MB21D2: variants seen among roughly 807,000 people sequenced by gnomAD.
The protein encoded by MB21D2 is Mab-21 domain containing 2, also known as nucleotidyltransferase MB21D2.
In MB21D2, 9 loss-of-function variants were observed where a neutral mutation model predicts 33.3. The ratio of observed to expected loss-of-function variants is 0.27; its 90% confidence interval spans 0.16 to 0.47. MB21D2 has a LOEUF of 0.47. MB21D2 is among the 20% of genes least tolerant of loss of function. The pLI is 0.99. For missense variants in MB21D2, 540 were observed against 624.6 expected (o/e 0.86, Z 1.44); for synonymous variants, 241 against 236.3 (o/e 1.02, Z -0.18).
At chr3:192,888,661 TAC>T (rs1713784843) in intron 1 of MB21D2, among the ~76,000 whole-genome samples, 1 of 152,146 alleles carries the variant, frequency 6.6e-6, no homozygotes, top group East Asian at 1.9e-4. Flanking sequence ...CATATGATCA[TAC>T]AGCTCCCATT....
chr3:192,849,795 T>C (rs922185480), intron 1 of MB21D2, among the ~76,000 whole-genome samples: 2 of 152,242 alleles, frequency 1.3e-5, no homozygotes, highest in African/African-American at 4.8e-5. Flanking sequence ...AAAGTCCTTT[T>C]CTATATTATA....
At chr3:192,813,299 A>ATTTT (rs1711832372) in intron 1 of MB21D2, among the ~76,000 whole-genome samples, 1 of 147,616 alleles carries the variant, frequency 6.8e-6, no homozygotes, top group Non-Finnish European at 1.5e-5. Flanking sequence ...TACTGCAGTT[A>ATTTT]ATTTTTTTTT....
At chr3:192,821,279 T>A (rs1433981689) in intron 1 of MB21D2, among the ~76,000 whole-genome samples, 2 of 152,204 alleles carry the variant, frequency 1.3e-5, no homozygotes, top group African/African-American at 4.8e-5. Flanking sequence ...TGCTCAAAGT[T>A]ACATAGTCAG....
At chr3:192,813,222 T>C (rs1271177938) in intron 1 of MB21D2, among the ~76,000 whole-genome samples, 2 of 151,928 alleles carry the variant, frequency 1.3e-5, no homozygotes, top group Non-Finnish European at 2.9e-5. Flanking sequence ...GCAAGCAACA[T>C]GGCTGACAAT....
chr3:192,897,604 T>G (rs996671786), intron 1 of MB21D2, among the ~76,000 whole-genome samples: 1 of 152,206 alleles, frequency 6.6e-6, no homozygotes, highest in Non-Finnish European at 1.5e-5. Flanking sequence ...TGCTCCAAAA[T>G]TTTAAAAACA....
chr3:192,862,251 G>C (rs1331876934), intron 1 of MB21D2, among the ~76,000 whole-genome samples: 3 of 152,168 alleles, frequency 2.0e-5, no homozygotes, highest in Non-Finnish European at 4.4e-5. Context: ...GGAAACTATA[G>C]ACTGGATGAT....
intron 1 of MB21D2, among the ~76,000 whole-genome samples, chr3:192,810,321 A>G (rs909395561): frequency 2.0e-5 from 3 of 152,218 alleles, no homozygotes; most frequent in Non-Finnish European, 4.4e-5. Context: ...ATCCATGTAA[A>G]AGAGACCTTG....
At chr3:192,803,764 T>G (rs1250263232) in intron 1 of MB21D2, among the ~76,000 whole-genome samples, 1 of 152,174 alleles carries the variant, frequency 6.6e-6, no homozygotes, top group African/African-American at 2.4e-5. Flanking sequence ...AAGTGCCATC[T>G]CTGCAATGAT....
intron 1 of MB21D2, among the ~76,000 whole-genome samples, chr3:192,890,697 T>C (rs1013529038): frequency 6.6e-6 from 1 of 151,970 alleles, no homozygotes; most frequent in Admixed American, 6.6e-5. Flanking sequence ...CAAGTGATTG[T>C]GCTATCTGGT....
intron 1 of MB21D2, among the ~76,000 whole-genome samples, chr3:192,803,455 C>T (rs1711596525): frequency 6.6e-6 from 1 of 152,124 alleles, no homozygotes. Context: ...TCCCTAAGGC[C>T]ACACTGTTCC....
At chr3:192,887,267 C>T (rs928805747) in intron 1 of MB21D2, among the ~76,000 whole-genome samples, 2 of 152,080 alleles carry the variant, frequency 1.3e-5, no homozygotes, top group South Asian at 2.1e-4. Context: ...TTACCTCAGC[C>T]TCCAGGACTG....
chr3:192,847,338 A>T (rs1466793610), intron 1 of MB21D2, among the ~76,000 whole-genome samples: 1 of 152,158 alleles, frequency 6.6e-6, no homozygotes, highest in Non-Finnish European at 1.5e-5. Flanking sequence ...GACAAATATC[A>T]CCTTATTCCC....
chr3:192,886,067 T>G (rs1284441140), intron 1 of MB21D2, among the ~76,000 whole-genome samples: 2 of 152,008 alleles, frequency 1.3e-5, no homozygotes, highest in Admixed American at 6.5e-5. Flanking sequence ...TTCAAGCAAT[T>G]CTCTGCCTCA....
chr3:192,917,481 A>T, intron 1 of MB21D2, 149 bp downstream of exon 1: 1 of 701,566 alleles, frequency 1.4e-6, no homozygotes, highest in Non-Finnish European at 2.4e-6. Context: ...GAAAGAAGAG[A>T]GAGGCGGAAC....
At chr3:192,910,298 C>CAAA (rs747554734) in intron 1 of MB21D2, among the ~76,000 whole-genome samples, 66 of 52,014 alleles carry the variant, frequency 1.3e-3, no homozygotes, top group African/African-American at 2.3e-3. Flanking sequence ...ACCATCTCTA[C>CAAA]AAAAAAAAAA....
chr3:192,836,673 A>G (rs58556380), intron 1 of MB21D2, among the ~76,000 whole-genome samples: 10,736 of 152,228 alleles, frequency 0.071, 1,271 homozygotes, highest in African/African-American at 0.24. Flanking sequence ...TCCAGCCTCC[A>G]GAACTGTGAG....
intron 1 of MB21D2, among the ~76,000 whole-genome samples, chr3:192,867,464 AAGG>A (rs1356792938): frequency 2.0e-5 from 3 of 152,134 alleles, no homozygotes; most frequent in Admixed American, 6.5e-5. Flanking sequence ...CACAGAGCAA[AAGG>A]AGAAGGTAGC....
rs1389443887 is a variant in MB21D2 at position 192,799,053 on chromosome 3, C to A, written c.809G>T (p.Gly270Val). ...GKITEEEVIS[G>V]FYLVPACSYK... ...GGAGCAAGCAGGCACCAAGTAAAAC[C>A]CACTGATGACCTCTTCCTCAGTAAT... is the stretch of plus-strand genomic sequence containing the variant. The change falls in exon 2 of 2, where the codon GGG (glycine) becomes GTG (valine). Residue 270 changes from glycine (G) to valine (V), a missense_variant. By Grantham distance (109) the Gly-to-Val change is moderately radical (BLOSUM62 -3). Transcript: ENST00000392452. The surrounding 1 kb of genome is among the most constrained non-coding windows in gnomAD (Gnocchi z 4.1). 1 of 1,614,104 alleles carries A rather than the reference C, an allele frequency of 6.2e-7. No individual in the cohort carries two copies. The highest frequency in any genetic ancestry group is 1.1e-5 in the South Asian group (1 of 91,078).
intron 1 of MB21D2, among the ~76,000 whole-genome samples, chr3:192,894,660 C>T (rs748484955): frequency 1.3e-5 from 2 of 151,998 alleles, no homozygotes; most frequent in Admixed American, 6.6e-5. Flanking sequence ...TCTGAGAAAG[C>T]GATTGGAGTT....
Sources: allele counts gnomAD v4.1 joint callset (sites outside exome capture counted in the v4.1 genomes callset), GRCh38; gene constraint gnomAD v4.1.1; non-coding constraint Gnocchi (gnomAD v3.1); transcripts MANE v1.5; gene names NCBI Gene and HGNC (gene_info 2026-07-23, HGNC 2026-07-21).